Variants in TXNDC5 observed in about 807,000 individuals in gnomAD.
The protein encoded by TXNDC5 is thioredoxin domain-containing protein 5.
In TXNDC5, 44 loss-of-function variants were observed where a neutral mutation model predicts 52.6. The observed-to-expected ratio is 0.84, with a 90% CI of 0.66 to 1.08. The LOEUF (loss-of-function observed/expected upper bound fraction) is 1.08, where lower values mean the gene tolerates loss of function less well. Among genes scored for constraint, TXNDC5 ranks in the 50% least tolerant of loss-of-function variants. The probability of loss-of-function intolerance (pLI) is 0.00; values close to 1 mark genes in which losing one functional copy is unlikely to be tolerated. For missense variants in TXNDC5, 600 were observed against 565.5 expected (o/e 1.06, Z -0.62); for synonymous variants, 241 against 234.4 (o/e 1.03, Z -0.26).
intron 3 of TXNDC5, among the ~76,000 whole-genome samples, chr6:7,895,827 CAA>C (rs1197246059): frequency 6.7e-6 from 1 of 149,818 alleles, no homozygotes; most frequent in Non-Finnish European, 1.5e-5. Context: ...CCCATCGCTA[CAA>C]AAAAAAAATT....
Position 7,883,065 on chromosome 6 carries a change from C to G in TXNDC5, c.*79G>C. 1.3e-6 allele frequency: 2 copies of G among 1,595,866 alleles called. No homozygotes were observed. The highest frequency in any genetic ancestry group is 1.7e-6 in the Non-Finnish European group (2 of 1,167,678). On this transcript the variant is annotated 3_prime_UTR_variant, in exon 10 of 10. Transcript: ENST00000379757. ...CTTTCTGAACAGCCACCACTGGGAA[C>G]CCAGTGGCCTCTGTGGGACTGAACT...
chr6:7,897,325 C>T (rs1245603798), intron 3 of TXNDC5, among the ~76,000 whole-genome samples: 1 of 152,054 alleles, frequency 6.6e-6, no homozygotes, highest in East Asian at 1.9e-4. Context: ...ATTGCCACAA[C>T]ACTTAAAAAA....
chr6:7,905,318 T>C (rs900822430), intron 1 of TXNDC5, among the ~76,000 whole-genome samples: 1 of 152,222 alleles, frequency 6.6e-6, no homozygotes, highest in Non-Finnish European at 1.5e-5. Flanking sequence ...TCTGCTACTT[T>C]TATTCGTCAA....
chr6:7,885,155 T>C (rs911190970), intron 8 of TXNDC5, among the ~76,000 whole-genome samples: 1 of 152,254 alleles, frequency 6.6e-6, no homozygotes, highest in Admixed American at 6.5e-5. Flanking sequence ...TCAAGTCCTG[T>C]GCTTATTAAC....
At chr6:7,893,282 C>A (rs1254228000) in intron 4 of TXNDC5, among the ~76,000 whole-genome samples, 1 of 152,254 alleles carries the variant, frequency 6.6e-6, no homozygotes, top group African/African-American at 2.4e-5. Flanking sequence ...GCTACTGTCT[C>A]ATCAGCACAG....
chr6:7,904,994 G>C (rs1413495370), intron 1 of TXNDC5, among the ~76,000 whole-genome samples: 3 of 152,152 alleles, frequency 2.0e-5, no homozygotes, highest in Non-Finnish European at 4.4e-5. Flanking sequence ...TGGCCCTGCT[G>C]ACCTCCCGCT....
chr6:7,909,675 T>A (rs954441299), intron 1 of TXNDC5: 1 of 700,074 alleles, frequency 1.4e-6, no homozygotes, highest in Non-Finnish European at 1.8e-6. Context: ...AGAGATTACA[T>A]CCACCCTGAG....
intron 7 of TXNDC5, among the ~76,000 whole-genome samples, chr6:7,887,742 C>G (rs535500439): frequency 6.6e-6 from 1 of 152,308 alleles, no homozygotes; most frequent in Admixed American, 6.5e-5. Flanking sequence ...CACAGACTCT[C>G]AACTCCAGCT....
intron 3 of TXNDC5, among the ~76,000 whole-genome samples, chr6:7,897,737 G>A (rs532112576): frequency 9.8e-5 from 15 of 152,310 alleles, no homozygotes; most frequent in East Asian, 3.9e-4. Context: ...TCTTTCTGCC[G>A]TCCTGATACT....
chr6:7,883,614 A>G (rs569055872), intron 9 of TXNDC5, among the ~76,000 whole-genome samples: 10 of 152,298 alleles, frequency 6.6e-5, no homozygotes, highest in East Asian at 5.8e-4. Context: ...TGCATTTCCA[A>G]TGACCTCCCT....
chr6:7,891,153 G>A (rs891738337), intron 5 of TXNDC5, among the ~76,000 whole-genome samples: 6 of 152,138 alleles, frequency 3.9e-5, no homozygotes, highest in African/African-American at 1.4e-4. Context: ...CACCACTCTT[G>A]GCTTCTCTGT....
At position 7,899,588 on chromosome 6, in the gene TXNDC5, G is replaced by A. The variant is rs141324484; in HGVS notation, c.507C>T (p.Asn169=). Residue 169 remains asparagine, a synonymous_variant, in exon 3 of 10, where the codon AAC becomes AAT. Coordinates refer to ENST00000379757, the MANE Select transcript of TXNDC5 (RefSeq NM_030810.5). ...TLENWMLQTL[N]EEPVTPEPEV... ...GGTAGACACTCACCACTGGCTCCTC[G>A]TTCAGTGTCTGCAGCATCCAGTTTT... The A allele has an allele frequency of 9.9e-6, 16 of 1,613,384 alleles. No homozygotes were observed. The highest frequency in any genetic ancestry group is 8.8e-5 in the South Asian group (8 of 91,014).
At chr6:7,894,721 G>A (rs1760307586) in intron 4 of TXNDC5, 2 of 985,410 alleles carry the variant, frequency 2.0e-6, no homozygotes, top group African/African-American at 1.7e-5. Context: ...TGGAAAAACC[G>A]CTAGACCTGC....
intron 2 of TXNDC5, 137 bp downstream of exon 2, chr6:7,904,437 A>T: frequency 1.8e-6 from 2 of 1,107,684 alleles, no homozygotes; most frequent in Non-Finnish European, 1.3e-6. Flanking sequence ...ACACAGCATT[A>T]AATGCAGTTT....
chr6:7,886,183 C>T, intron 7 of TXNDC5, 140 bp from the exon 8 acceptor site: 1 of 676,412 alleles, frequency 1.5e-6, no homozygotes, highest in Non-Finnish European at 2.5e-6. Flanking sequence ...GAAATACCTA[C>T]ACAATCTGCA....
chr6:7,892,196 TTC>T (rs1760217445), intron 4 of TXNDC5, among the ~76,000 whole-genome samples: 1 of 152,192 alleles, frequency 6.6e-6, no homozygotes, highest in African/African-American at 2.4e-5. Context: ...CAACTGGACG[TTC>T]TGTGCCCCCA....
At position 7,882,988 on chromosome 6, in the gene TXNDC5, T is replaced by TG; in HGVS notation, c.*155dup. 2.1e-6 allele frequency: 2 copies of TG among 931,420 alleles called. No homozygotes were observed. Among genetic ancestry groups the TG allele is most frequent in the Non-Finnish European group, 3.2e-6 (2 of 633,844 alleles). The allele number at this position is 931,420 out of a possible 1,614,324, so 57.7% of individuals were successfully genotyped here. ...TTAATAAAGAATCTGTAGAGTGTGT[T>TG]GGCTTGGAAAACACACACACAAAGA... On this transcript the variant is annotated 3_prime_UTR_variant, in exon 10 of 10. Transcript: ENST00000379757.
At chr6:7,910,207 A>C in intron 1 of TXNDC5, 2 of 937,636 alleles carry the variant, frequency 2.1e-6, no homozygotes, top group Non-Finnish European at 2.6e-6. Flanking sequence ...ACGCCTCCCG[A>C]CCCGGAGCCC....
intron 8 of TXNDC5, 42 bp from the exon 9 acceptor site, chr6:7,884,530 G>A (rs771144230): frequency 1.7e-5 from 27 of 1,612,320 alleles, no homozygotes; most frequent in East Asian, 2.2e-5. Flanking sequence ...ATCCTGGGTC[G>A]AGATCATTCA....
Sources: gnomAD v4.1 joint callset for allele counts (sites outside exome capture counted in the v4.1 genomes callset) on GRCh38, gnomAD v4.1.1 for gene constraint, MANE v1.5 for transcripts, NCBI Gene and HGNC (gene_info 2026-07-23, HGNC 2026-07-21) for gene names.